The following BAZ1B variants were observed in gnomAD, a reference collection of about 807,000 sequenced individuals.
The protein encoded by BAZ1B is tyrosine-protein kinase BAZ1B.
Under a neutral mutation model 153.8 loss-of-function variants are expected in BAZ1B, and 22 were observed. That is an observed-to-expected ratio of 0.14 (90% CI 0.10 to 0.20). BAZ1B has a LOEUF of 0.20. Among genes scored for constraint, BAZ1B ranks in the 10% least tolerant of loss-of-function variants. The probability of loss-of-function intolerance (pLI) is 1.00; values close to 1 mark genes in which losing one functional copy is unlikely to be tolerated. For missense variants in BAZ1B, 1,325 were observed against 1,799.3 expected, an observed-to-expected ratio of 0.74 and a Z score of 4.77; for synonymous variants, 676 against 633.4, an observed-to-expected ratio of 1.07 and a Z score of -1.01.
intron 16 of BAZ1B, among the ~76,000 whole-genome samples, chr7:73,445,505 T>TAC (rs1554566296): frequency 2.0e-5 from 3 of 152,108 alleles, no homozygotes; most frequent in African/African-American, 7.2e-5. Flanking sequence ...GAAAGAGAGC[T>TAC]ACAACGTAGA....
At chr7:73,470,866 G>A (rs995398492) in intron 7 of BAZ1B, among the ~76,000 whole-genome samples, 1 of 152,070 alleles carries the variant, frequency 6.6e-6, no homozygotes, top group Non-Finnish European at 1.5e-5. Flanking sequence ...CTCCTGTGTC[G>A]CTGGACTACA....
chr7:73,517,343 C>T (rs1222790303), intron 1 of BAZ1B, among the ~76,000 whole-genome samples: 2 of 151,578 alleles, frequency 1.3e-5, no homozygotes, highest in Non-Finnish European at 2.9e-5. Context: ...ACAAAACATA[C>T]AAAAATTAGG....
In BAZ1B at chr7:73,521,798, G is replaced by A. The variant is rs782249204; in HGVS notation, c.107+29C>T. The A allele has an allele frequency of 4.1e-5, 60 of 1,479,102 alleles. 1 individual carries two copies. Among genetic ancestry groups the A allele is most frequent in the South Asian group, 1.2e-5 (1 of 80,120 alleles). The allele number at this position is 1,479,102 out of a possible 1,614,324, so 91.6% of individuals were successfully genotyped here. On this transcript the variant is annotated intron_variant, in intron 1 of 19. Coordinates refer to ENST00000339594, the MANE Select transcript of BAZ1B (RefSeq NM_032408.4). ...CCCTACCCCGGCCCAGCCCGGCCCA[G>A]CCCGGCCCGCGCGGCTGGAAAAGGA...
chr7:73,449,725 G>A lies in BAZ1B; in HGVS notation c.3581-36C>T, dbSNP rs782517454. 2.5e-6 allele frequency: 4 copies of A among 1,606,654 alleles called. No homozygotes were observed. The South Asian group carries it at 3.3e-5, about 13-fold the overall frequency. On this transcript the variant is annotated intron_variant, in intron 14 of 19. Transcript: ENST00000339594. The stretch of plus-strand genomic sequence containing the variant: ...ATAAATGTGAATAGCATTGTTGGGA[G>A]CACAGCAGCAGTCAATGAGCTGTAA...
chr7:73,470,609 T>C, intron 7 of BAZ1B, 126 bp from the exon 8 acceptor site: 1 of 1,140,492 alleles, frequency 8.8e-7, no homozygotes, highest in Non-Finnish European at 1.2e-6. Flanking sequence ...TTGCTTTCTC[T>C]AATTCTAATC....
chr7:73,476,991 T>G lies in BAZ1B; in HGVS notation c.2470A>C (p.Ile824Leu). The change falls in exon 7 of 20, where the codon ATT becomes CTT. Residue 824 changes from isoleucine to leucine, a missense_variant. Physicochemically the swap from Ile to Leu is conservative, Grantham distance 5. Around this residue, in one of 9 missense-constraint regions of BAZ1B, gnomAD observed 431 missense variants for 563.5 expected, o/e 0.76. Transcript: ENST00000339594. ...GLGKTDRKKE[I>L]VKFEPQVDTE... Reference sequence around the variant, plus strand: ...TCTACTTGGGGCTCAAACTTCACAATTTCTTTTTTCCTATCAGTTTTGCCT... The same window carrying G: ...TCTACTTGGGGCTCAAACTTCACAAGTTCTTTTTTCCTATCAGTTTTGCCT... The G allele has an allele frequency of 1.2e-6, 2 of 1,614,238 alleles. No individual in the cohort carries two copies. The highest frequency in any genetic ancestry group is 1.7e-6 in the Non-Finnish European group (2 of 1,180,042).
intron 12 of BAZ1B, 125 bp from the exon 13 acceptor site, chr7:73,459,843 G>A (rs1788332518): frequency 1.0e-5 from 8 of 795,524 alleles, no homozygotes; most frequent in Non-Finnish European, 1.6e-5. Flanking sequence ...AAAATCGAGA[G>A]CCACATACCA....
intron 1 of BAZ1B, among the ~76,000 whole-genome samples, chr7:73,514,945 C>T (rs1281963853): frequency 6.6e-6 from 1 of 151,818 alleles, no homozygotes; most frequent in Admixed American, 6.6e-5. Flanking sequence ...TGGTGGCGGG[C>T]GCCTGTAATC....
intron 19 of BAZ1B, chr7:73,441,973 G>C: frequency 1.8e-6 from 1 of 545,094 alleles, no homozygotes; most frequent in Non-Finnish European, 3.2e-6. Context: ...TCTCAGAAGG[G>C]AGGGTTATGG....
intron 4 of BAZ1B, among the ~76,000 whole-genome samples, chr7:73,494,889 G>A (rs1324221861): frequency 6.6e-6 from 1 of 152,198 alleles, no homozygotes; most frequent in Non-Finnish European, 1.5e-5. Context: ...GTGGATGGAC[G>A]GTGAGCCAAG....
intron 4 of BAZ1B, among the ~76,000 whole-genome samples, chr7:73,497,065 C>CAAAAAAAAAAAAAAAAAAAAAAAAAAA (rs1156829240): frequency 1.4e-4 from 7 of 49,512 alleles, no homozygotes; most frequent in African/African-American, 5.3e-4. Context: ...CTGACCTCTA[C>CAAAAAAAAAAAAAAAAAAAAAAAAAAA]AAAAAAAAAA....
chr7:73,460,206 A>G (rs1563369736), intron 12 of BAZ1B, among the ~76,000 whole-genome samples: 1 of 151,206 alleles, frequency 6.6e-6, no homozygotes. Flanking sequence ...AAAAAAAAAA[A>G]AAAAAAAAAA....
intron 13 of BAZ1B, among the ~76,000 whole-genome samples, chr7:73,456,543 A>G (rs1788206879): frequency 1.3e-5 from 2 of 152,368 alleles, no homozygotes; most frequent in South Asian, 4.1e-4. Context: ...AAGCACATGA[A>G]AAGATGCTCA....
chr7:73,473,781 G>T (rs1462957662), intron 7 of BAZ1B, among the ~76,000 whole-genome samples: 1 of 152,010 alleles, frequency 6.6e-6, no homozygotes, highest in African/African-American at 2.4e-5. Flanking sequence ...TGAGTTTAGG[G>T]GTTCAATACC....
rs782299812 is a variant in BAZ1B, at chr7:73,444,094, C to T, written c.3880G>A (p.Val1294Ile). ...PRKTIRGKHS[V>I]IPPAARSGRR... The stretch of plus-strand genomic sequence containing the variant: ...CCTGACCTTGCTGCAGGGGGGATGA[C>T]GCTGTGCTTGCCCCGGATGGTCTTT... The change falls in exon 17 of 20, where the codon GTC becomes ATC. Residue 1294 changes from valine (V) to isoleucine (I), a missense_variant. By Grantham distance (29) the Val-to-Ile change is conservative. This residue lies in a region of BAZ1B where 271 missense variants were observed against 337.2 expected (regional missense o/e 0.80). Coordinates refer to ENST00000339594, the MANE Select transcript of BAZ1B (RefSeq NM_032408.4). 22 of 1,610,558 alleles carry T rather than the reference C, an allele frequency of 1.4e-5. No individual in the cohort carries two copies. The highest frequency in any genetic ancestry group is 1.2e-4 in the African/African-American group (9 of 74,708).
Position 73,444,033 on chromosome 7 carries a change from C to T in BAZ1B, c.3941G>A (p.Arg1314Lys). Residue 1314 changes from arginine to lysine, a missense_variant, in exon 17 of 20, where the codon AGG becomes AAG. Arg to Lys is a conservative substitution (Grantham distance 26). This residue lies in a region of BAZ1B where 271 missense variants were observed against 337.2 expected (regional missense o/e 0.80). Coordinates refer to ENST00000339594, the MANE Select transcript of BAZ1B (RefSeq NM_032408.4). Reference sequence around the variant, plus strand: ...CACAGGTGGTGCCTTGGGCTGAGACCTCCTGGTAGAGTGTGGCTTCTTACC... The same window carrying T: ...CACAGGTGGTGCCTTGGGCTGAGACTTCCTGGTAGAGTGTGGCTTCTTACC... ...RPGKKPHSTR[R>K]SQPKAPPVDD... 6.2e-7 allele frequency: 1 copy of T among 1,613,908 alleles called. No homozygotes were observed. Among genetic ancestry groups the T allele is most frequent in the Non-Finnish European group, 8.5e-7 (1 of 1,179,908 alleles).
intron 13 of BAZ1B, among the ~76,000 whole-genome samples, chr7:73,458,807 T>C (rs1293294538): frequency 5.9e-5 from 9 of 152,048 alleles, no homozygotes; most frequent in Non-Finnish European, 8.8e-5. Context: ...GGTGGGAGGA[T>C]AGCTTGAGGC....
intron 3 of BAZ1B, among the ~76,000 whole-genome samples, chr7:73,506,881 CT>C (rs782216219): frequency 1.8e-3 from 224 of 123,218 alleles, no homozygotes; most frequent in Middle Eastern, 4.1e-3. Flanking sequence ...GTCTTAAAGT[CT>C]TTTTTTTTTT....
intron 13 of BAZ1B, among the ~76,000 whole-genome samples, chr7:73,457,552 TG>T (rs1788251101): frequency 6.6e-6 from 1 of 152,050 alleles, no homozygotes; most frequent in African/African-American, 2.4e-5. Context: ...CCCAAGTGAG[TG>T]GATCAACAAA....
Sources: allele counts gnomAD v4.1 joint callset (sites outside exome capture counted in the v4.1 genomes callset), GRCh38; gene constraint gnomAD v4.1.1; regional missense constraint gnomAD v4.1.1; transcripts MANE v1.5; gene names NCBI Gene and HGNC (gene_info 2026-07-23, HGNC 2026-07-21).